The following ZNF292 variants were observed in gnomAD, a reference collection of about 807,000 sequenced individuals.
ZNF292 encodes the protein 16 zinc-finger domain protein.
ZNF292 carries 26 observed loss-of-function variants against 217.9 expected under a neutral mutation model. That is an observed-to-expected ratio of 0.12 (90% CI 0.09 to 0.17). The LOEUF is 0.17. Among genes scored for constraint, ZNF292 ranks in the 10% least tolerant of loss-of-function variants. The probability of loss-of-function intolerance (pLI) is 1.00; values close to 1 mark genes in which losing one functional copy is unlikely to be tolerated. For missense variants in ZNF292, 2,904 were observed against 3,175.2 expected, an observed-to-expected ratio of 0.91 and a Z score of 2.05; for synonymous variants, 1,257 against 1,124.1, an observed-to-expected ratio of 1.12 and a Z score of -2.37.
intron 5 of ZNF292, among the ~76,000 whole-genome samples, chr6:87,237,684 T>G (rs1773968597): frequency 6.6e-6 from 1 of 152,254 alleles, no homozygotes; most frequent in Admixed American, 6.5e-5. Flanking sequence ...ATTATTTACA[T>G]CTTTGAAATA....
intron 1 of ZNF292, among the ~76,000 whole-genome samples, chr6:87,208,165 C>T (rs946588405): frequency 3.3e-5 from 5 of 152,110 alleles, no homozygotes; most frequent in Non-Finnish European, 7.4e-5. Context: ...CTGCCTCTTC[C>T]CCCACCAATC....
chr6:87,214,047 T>G (rs536507099), intron 1 of ZNF292, among the ~76,000 whole-genome samples: 1 of 152,310 alleles, frequency 6.6e-6, no homozygotes, highest in African/African-American at 2.4e-5. Flanking sequence ...GGTATCAGTT[T>G]CTGAGCCCCA....
In ZNF292 at chr6:87,260,266, G is replaced by A; in HGVS notation, c.6637G>A (p.Val2213Ile). ...EIESMTASVD[V>I]GKFPCDQLEC... ...TGAAAGTATGACTGCTTCAGTGGAT[G>A]TTGGGAAGTTTCCATGTGACCAGTT... The change falls in exon 8 of 8, where the codon GTT (valine) becomes ATT (isoleucine). Residue 2213 changes from valine to isoleucine, a missense_variant. Around this residue, in one of 15 missense-constraint regions of ZNF292, gnomAD observed 261 missense variants for 272.8 expected, o/e 0.96. Coordinates refer to ENST00000369577, the MANE Select transcript of ZNF292 (RefSeq NM_015021.3). The A allele has an allele frequency of 1.2e-6, 2 of 1,613,650 alleles. No homozygotes were observed. Among genetic ancestry groups the A allele is most frequent in the Non-Finnish European group, 1.7e-6 (2 of 1,179,640 alleles).
At chr6:87,243,155 G>A (rs4707355) in intron 5 of ZNF292, among the ~76,000 whole-genome samples, 57,113 of 151,618 alleles carry the variant, frequency 0.38, 11,203 homozygotes, top group Admixed American at 0.52. Context: ...AATGGGTAGA[G>A]ATTGCTTATA....
rs1281339132 is a variant in ZNF292 at position 87,260,385 on chromosome 6, A to T, written c.6756A>T (p.Glu2252Asp). The stretch of plus-strand genomic sequence containing the variant: ...GACTAAGGGCAAGTAAAACAGAAGA[A>T]GATGGTGTATACAAATGTGATTGTG... ...GIGLRASKTE[E>D]DGVYKCDCEG... The change falls in exon 8 of 8, where the codon GAA becomes GAT. Residue 2252 changes from glutamate to aspartate, a missense_variant. Glu to Asp is a conservative substitution (Grantham distance 45). Transcript: ENST00000369577. 3 of 1,613,622 alleles carry T rather than the reference A, an allele frequency of 1.9e-6. No homozygotes were observed. Among genetic ancestry groups the T allele is most frequent in the Non-Finnish European group, 2.5e-6 (3 of 1,179,660 alleles).
intron 1 of ZNF292, among the ~76,000 whole-genome samples, chr6:87,194,909 A>T (rs192169757): frequency 7.0e-6 from 1 of 142,994 alleles, no homozygotes; most frequent in Admixed American, 7.3e-5. Flanking sequence ...TCTATATACT[A>T]TATTAAATTG....
At chr6:87,171,615 C>T (rs1393775059) in intron 1 of ZNF292, among the ~76,000 whole-genome samples, 1 of 152,048 alleles carries the variant, frequency 6.6e-6, no homozygotes, top group Non-Finnish European at 1.5e-5. Context: ...GTTATTTAAT[C>T]CACTATACCA....
intron 5 of ZNF292, among the ~76,000 whole-genome samples, chr6:87,235,433 T>G (rs1409959370): frequency 1.3e-5 from 2 of 152,102 alleles, no homozygotes; most frequent in Non-Finnish European, 2.9e-5. Context: ...GAGGTGGGAT[T>G]TAAAGGTGAA....
chr6:87,193,271 G>A (rs755485874), intron 1 of ZNF292, among the ~76,000 whole-genome samples: 77 of 152,326 alleles, frequency 5.1e-4, no homozygotes, highest in Non-Finnish European at 7.2e-4. Context: ...ACACAGCTGG[G>A]TATGGTGGTA....
intron 1 of ZNF292, among the ~76,000 whole-genome samples, chr6:87,167,207 G>GAC (rs1770947079): frequency 6.6e-6 from 1 of 152,218 alleles, no homozygotes; most frequent in African/African-American, 2.4e-5. Context: ...ATTTGTGGCA[G>GAC]ACACTGTACT....
intron 5 of ZNF292, among the ~76,000 whole-genome samples, chr6:87,241,882 C>T (rs913003630): frequency 4.6e-5 from 7 of 152,126 alleles, no homozygotes; most frequent in Non-Finnish European, 4.4e-5. Flanking sequence ...AGTTTCTGGA[C>T]GTATGAGGGG....
At chr6:87,204,450 AT>A (rs1413167265) in intron 1 of ZNF292, among the ~76,000 whole-genome samples, 3 of 151,788 alleles carry the variant, frequency 2.0e-5, no homozygotes, top group Non-Finnish European at 4.4e-5. Context: ...TAGGAAAAAA[AT>A]GTCTTTGTAC....
At chr6:87,240,385 G>A (rs918930145) in intron 5 of ZNF292, among the ~76,000 whole-genome samples, 1 of 151,282 alleles carries the variant, frequency 6.6e-6, no homozygotes, top group African/African-American at 2.4e-5. Flanking sequence ...GTGGGGGAGG[G>A]GGAGGGGGTT....
At position 87,260,196 on chromosome 6, in the gene ZNF292, A is replaced by G. The variant is rs1232472619; in HGVS notation, c.6567A>G (p.Leu2189=). The G allele has an allele frequency of 8.7e-6, 14 of 1,613,536 alleles. No homozygotes were observed. The highest frequency in any genetic ancestry group is 1.2e-5 in the Non-Finnish European group (14 of 1,179,536). The change falls in exon 8 of 8, where the codon CTA becomes CTG. Residue 2189 remains leucine (L), a synonymous_variant. Coordinates refer to ENST00000369577, the MANE Select transcript of ZNF292 (RefSeq NM_015021.3). ...CSRIFQAITG[L]IQHYMKLHEM... ...GAATTTTCCAAGCAATTACTGGCCT[A>G]ATACAACACTACATGAAACTTCATG...
chr6:87,219,398 A>T (rs1041626490), intron 4 of ZNF292, among the ~76,000 whole-genome samples: 8 of 152,196 alleles, frequency 5.3e-5, no homozygotes, highest in South Asian at 2.1e-4. Context: ...AAATTTTTTT[A>T]AAAAATTGTA....
chr6:87,165,780 TAG>T (rs1277192966), intron 1 of ZNF292, among the ~76,000 whole-genome samples: 1 of 131,768 alleles, frequency 7.6e-6, no homozygotes, highest in Non-Finnish European at 1.6e-5. Flanking sequence ...TTTTTTGACA[TAG>T]AGTTTCGCTC....
At chr6:87,243,421 T>A in intron 5 of ZNF292, 54 bp from the exon 6 acceptor site, 1 of 1,452,954 alleles carries the variant, frequency 6.9e-7, no homozygotes, top group Non-Finnish European at 9.1e-7. Context: ...TATATTGCTC[T>A]ATATTCTAAT....
chr6:87,246,460 G>A (rs557158493), intron 7 of ZNF292, among the ~76,000 whole-genome samples: 1 of 152,156 alleles, frequency 6.6e-6, no homozygotes, highest in African/African-American at 2.4e-5. Flanking sequence ...CAGAAAGCTT[G>A]AACTGATGCT....
rs549424376 is a variant in ZNF292, at chr6:87,181,931, A to G, written c.168+26172A>G. Among the ~76,000 whole-genome samples the G allele has an allele frequency of 5.3e-5, 8 of 152,136 alleles. No individual in the cohort carries two copies. In the East Asian group the frequency reaches 7.8e-4, roughly 15 times the overall value. On this transcript the variant is annotated intron_variant, in intron 1 of 7. Transcript: ENST00000369577. ...ACTCCTGACCTCAGGTGATCCGCCC[A>G]TCTCGGCCTCCCAAAGTGCTGAGAT...
Sources: gnomAD v4.1 joint callset for allele counts (sites outside exome capture counted in the v4.1 genomes callset) on GRCh38, gnomAD v4.1.1 for gene constraint, gnomAD v4.1.1 regional missense constraint, MANE v1.5 for transcripts, NCBI Gene and HGNC (gene_info 2026-07-23, HGNC 2026-07-21) for gene names.